PALLD: variants seen among roughly 807,000 people sequenced by gnomAD.
PALLD encodes palladin.
PALLD carries 61 observed loss-of-function variants against 123.5 expected under a neutral mutation model. The observed-to-expected ratio is 0.49, with a 90% CI of 0.40 to 0.61. The LOEUF (loss-of-function observed/expected upper bound fraction) is 0.61. PALLD is among the 20% of genes least tolerant of loss of function. The pLI, the probability that PALLD is intolerant of heterozygous loss-of-function variation, is 0.00. For synonymous variants in PALLD, 465 were observed against 496.4 expected, an observed-to-expected ratio of 0.94 and a Z score of 0.84; for missense variants, 1,273 against 1,377.0, an observed-to-expected ratio of 0.92 and a Z score of 1.20.
intron 10 of PALLD, among the ~76,000 whole-genome samples, chr4:168,737,806 C>T (rs2099326676): frequency 6.6e-6 from 1 of 152,216 alleles, no homozygotes; most frequent in African/African-American, 2.4e-5. Context: ...TCTAACCCTT[C>T]CAAAGGGCGT....
intron 10 of PALLD, among the ~76,000 whole-genome samples, chr4:168,794,536 A>ACC (rs1391243227): frequency 6.7e-6 from 1 of 150,026 alleles, no homozygotes; most frequent in Non-Finnish European, 1.5e-5. Context: ...ACACACACAC[A>ACC]CACCCCTCTG....
chr4:168,848,874 A>C (rs1306530540), intron 10 of PALLD, among the ~76,000 whole-genome samples: 2 of 152,164 alleles, frequency 1.3e-5, no homozygotes, highest in Non-Finnish European at 2.9e-5. Flanking sequence ...CATTCTCTAC[A>C]GTTTTGTGGT....
intron 8 of PALLD, among the ~76,000 whole-genome samples, chr4:168,692,856 A>T (rs1243818871): frequency 1.3e-5 from 2 of 152,246 alleles, no homozygotes; most frequent in African/African-American, 4.8e-5. Context: ...CATCATGCAC[A>T]TAGGTGATGA....
In PALLD at chr4:168,711,914, A is replaced by G. The variant is rs370665218; in HGVS notation, c.1955A>G (p.Lys652Arg). 2.0e-5 allele frequency: 32 copies of G among 1,612,462 alleles called. No homozygotes were observed. The highest frequency in any genetic ancestry group is 1.3e-4 in the Admixed American group (8 of 59,988). The part of the protein sequence containing the change: ...PTKEPPPLLA[K>R]PKLGFPKKAS... ...AAGGAGCCACCACCTCTGCTTGCCA[A>G]ACCAAAACTGTGAGTATTTCTGCAT... Residue 652 changes from lysine to arginine, a missense_variant, in exon 10 of 22, where the codon AAA becomes AGA. Lys to Arg is a conservative substitution (Grantham distance 26, BLOSUM62 2). Transcript: ENST00000505667.
At chr4:168,829,701 G>C (rs1391930382) in intron 10 of PALLD, among the ~76,000 whole-genome samples, 2 of 152,136 alleles carry the variant, frequency 1.3e-5, no homozygotes, top group Non-Finnish European at 2.9e-5. Context: ...CATTGCTGCA[G>C]CCCTAAGGGC....
At position 168,878,357 on chromosome 4, in the gene PALLD, G is replaced by A. The variant is rs368350042; in HGVS notation, c.1965-12565G>A. The A allele has an allele frequency of 1.9e-3, 2,858 of 1,518,194 alleles. 66 individuals are homozygous for A. In the South Asian group the frequency reaches 0.033, roughly 17 times the overall value. 94.0% of individuals were successfully genotyped at this position (1,518,194 alleles called of 1,614,324 possible). ...GCCCTCGCAGCCGCCGCCGGCGGCC[G>A]TCAACGCCCTGGGGCTGCCCAAGGG... On this transcript the variant is annotated intron_variant, in intron 10 of 21. Coordinates refer to ENST00000505667, the MANE Select transcript of PALLD (RefSeq NM_001166108.2).
At chr4:168,546,464 G>C (rs1206417590) in intron 2 of PALLD, among the ~76,000 whole-genome samples, 1 of 152,036 alleles carries the variant, frequency 6.6e-6, no homozygotes, top group Non-Finnish European at 1.5e-5. Flanking sequence ...GTGAAAATCA[G>C]AACAAGAAGC....
chr4:168,643,434 G>A (rs1175245804), intron 2 of PALLD, among the ~76,000 whole-genome samples: 2 of 152,182 alleles, frequency 1.3e-5, no homozygotes, highest in African/African-American at 2.4e-5. Flanking sequence ...AGATCTTGCT[G>A]TTTATCATAA....
chr4:168,830,954 T>G (rs1001486576), intron 10 of PALLD, among the ~76,000 whole-genome samples: 3 of 152,238 alleles, frequency 2.0e-5, no homozygotes, highest in African/African-American at 7.2e-5. Context: ...GGCACAACAG[T>G]AAGTTCAGTA....
At chr4:168,686,053 A>G (rs981415491) in intron 6 of PALLD, among the ~76,000 whole-genome samples, 1 of 151,906 alleles carries the variant, frequency 6.6e-6, no homozygotes, top group Non-Finnish European at 1.5e-5. Context: ...AAATTATAAA[A>G]CTTTATTAAA....
intron 2 of PALLD, among the ~76,000 whole-genome samples, chr4:168,632,080 G>T (rs528595078): frequency 6.6e-6 from 1 of 151,644 alleles, no homozygotes; most frequent in Non-Finnish European, 1.5e-5. Context: ...CCTCTTTGGG[G>T]GTTGGCGGGG....
intron 15 of PALLD, among the ~76,000 whole-genome samples, chr4:168,912,896 T>C (rs541054067): frequency 7.2e-5 from 11 of 152,210 alleles, no homozygotes; most frequent in East Asian, 3.8e-4. Flanking sequence ...AAAATTTCAA[T>C]TGACAAATTT....
At chr4:168,514,925 C>T (rs1762855609) in intron 2 of PALLD, among the ~76,000 whole-genome samples, 1 of 152,186 alleles carries the variant, frequency 6.6e-6, no homozygotes, top group Admixed American at 6.5e-5. Context: ...TTGGGGGTAG[C>T]AGAACTAAAA....
At chr4:168,650,362 T>C (rs1777914199) in intron 2 of PALLD, among the ~76,000 whole-genome samples, 5 of 152,196 alleles carry the variant, frequency 3.3e-5, no homozygotes. Context: ...GAAACCACGA[T>C]GGTATAGAAT....
chr4:168,833,310 T>C (rs1001996250), intron 10 of PALLD, among the ~76,000 whole-genome samples: 12 of 151,896 alleles, frequency 7.9e-5, no homozygotes, highest in Non-Finnish European at 1.6e-4. Flanking sequence ...CGGAGCCGGG[T>C]CTTGCGCTGC....
At chr4:168,800,700 A>G (rs1381239905) in intron 10 of PALLD, among the ~76,000 whole-genome samples, 2 of 152,212 alleles carry the variant, frequency 1.3e-5, no homozygotes, top group Admixed American at 1.3e-4. Context: ...AGAGTTTGGC[A>G]TAATTTGATA....
chr4:168,811,880 G>A (rs1179106842), intron 10 of PALLD, among the ~76,000 whole-genome samples: 3 of 151,826 alleles, frequency 2.0e-5, no homozygotes, highest in African/African-American at 7.3e-5. Context: ...GGATATTAGG[G>A]GTGTCAAATG....
intron 2 of PALLD, among the ~76,000 whole-genome samples, chr4:168,614,255 G>A (rs1007239237): frequency 1.4e-4 from 21 of 152,194 alleles, no homozygotes; most frequent in African/African-American, 5.1e-4. Context: ...AAAAGACACT[G>A]TGGACTCTGT....
chr4:168,590,354 T>C (rs11721718), intron 2 of PALLD, among the ~76,000 whole-genome samples: 4,900 of 152,214 alleles, frequency 0.032, 269 homozygotes, highest in African/African-American at 0.11. Context: ...AAAAACAGTC[T>C]TAACAACTAC....
Sources: allele counts gnomAD v4.1 joint callset (sites outside exome capture counted in the v4.1 genomes callset), GRCh38; gene constraint gnomAD v4.1.1; transcripts MANE v1.5; gene names NCBI Gene and HGNC (gene_info 2026-07-23, HGNC 2026-07-21).